Variants in MECOM observed in about 807,000 individuals in gnomAD.
The protein encoded by MECOM is MDS1 and EVI1 complex locus.
Under a neutral mutation model 116.3 loss-of-function variants are expected in MECOM, and 13 were observed. The ratio of observed to expected loss-of-function variants is 0.11; its 90% CI spans 0.07 to 0.18. The LOEUF is 0.18. MECOM is among the 10% of genes least tolerant of loss of function. The pLI, the probability that MECOM is intolerant of heterozygous loss-of-function variation, is 1.00. For synonymous variants in MECOM, 528 were observed against 535.2 expected (o/e 0.99, Z 0.19); for missense variants, 1,299 against 1,509.0 (o/e 0.86, Z 2.31).
At chr3:169,179,754 T>A (rs540422842) in intron 2 of MECOM, among the ~76,000 whole-genome samples, 13 of 152,324 alleles carry the variant, frequency 8.5e-5, no homozygotes, top group African/African-American at 2.9e-4. Flanking sequence ...ACCTTGCTTC[T>A]TTTTTCCTCA....
intron 2 of MECOM, among the ~76,000 whole-genome samples, chr3:169,275,801 C>A (rs1759506941): frequency 6.6e-6 from 1 of 152,116 alleles, no homozygotes; most frequent in Admixed American, 6.5e-5. Context: ...CTGATTCTAA[C>A]AAGTAAAGTT....
intron 12 of MECOM, among the ~76,000 whole-genome samples, chr3:169,099,610 TA>T (rs11296937): frequency 0.63 from 95,918 of 151,946 alleles, 30,453 homozygotes; most frequent in Admixed American, 0.68. Context: ...ATTTTACCAT[TA>T]AAAAAATATT....
intron 1 of MECOM, among the ~76,000 whole-genome samples, chr3:169,487,491 C>T (rs917435003): frequency 6.6e-6 from 1 of 151,636 alleles, no homozygotes; most frequent in African/African-American, 2.4e-5. Flanking sequence ...CATTAAATAT[C>T]TATTTGTGCT....
intron 2 of MECOM, among the ~76,000 whole-genome samples, chr3:169,193,843 G>A (rs1203025427): frequency 6.6e-6 from 1 of 151,922 alleles, no homozygotes; most frequent in Admixed American, 6.6e-5. Context: ...ATAGTTAAGT[G>A]TTACATGTTT....
chr3:169,643,649 C>T (rs898248940), intron 1 of MECOM, among the ~76,000 whole-genome samples: 1 of 152,190 alleles, frequency 6.6e-6, no homozygotes, highest in Non-Finnish European at 1.5e-5. Flanking sequence ...CAAAATCATT[C>T]ACCAAGTGGA....
intron 1 of MECOM, among the ~76,000 whole-genome samples, chr3:169,439,032 C>T (rs149921457): frequency 0.01 from 1,551 of 150,290 alleles, 32 homozygotes; most frequent in African/African-American, 0.036. Context: ...TTAGAGATAG[C>T]ATAAGGAAAG....
At chr3:169,513,280 C>G (rs1247896586) in intron 1 of MECOM, among the ~76,000 whole-genome samples, 1 of 152,228 alleles carries the variant, frequency 6.6e-6, no homozygotes, top group Non-Finnish European at 1.5e-5. Flanking sequence ...CAACCACATG[C>G]ACACAGTGAA....
chr3:169,584,489 C>T (rs1765538273), intron 1 of MECOM, among the ~76,000 whole-genome samples: 1 of 150,444 alleles, frequency 6.6e-6, no homozygotes, highest in Non-Finnish European at 1.5e-5. Flanking sequence ...GGCGTGAACC[C>T]AAGAGGTGGA....
rs780369859 is a variant in MECOM at position 169,084,107 on chromosome 3, A to C, written c.*802T>G. ...TTTAATCAACAAACAATAGTTTGCCAACAAATAAATACATGATACACGCAA... is the reference window on the plus strand; with the variant it reads ...TTTAATCAACAAACAATAGTTTGCCCACAAATAAATACATGATACACGCAA... On this transcript the variant is annotated 3_prime_UTR_variant, in exon 17 of 17. Transcript: ENST00000651503. 8.6e-6 allele frequency: 2 copies of C among 231,750 alleles called. No homozygotes were observed. The highest frequency in any genetic ancestry group is 4.4e-5 in the African/African-American group (2 of 45,264). 14.4% of individuals were successfully genotyped at this position (231,750 alleles called of 1,614,324 possible). A position where few individuals can be genotyped will look rare whatever the true frequency, so the allele number is the denominator to read the frequency against.
intron 1 of MECOM, among the ~76,000 whole-genome samples, chr3:169,559,273 C>G (rs1427598574): frequency 2.0e-5 from 3 of 152,130 alleles, no homozygotes; most frequent in African/African-American, 7.2e-5. Context: ...GCTCTATATT[C>G]TTGACTGGGT....
intron 2 of MECOM, among the ~76,000 whole-genome samples, chr3:169,317,350 C>G (rs1401443752): frequency 6.6e-6 from 1 of 151,898 alleles, no homozygotes. Context: ...ATATGACAAT[C>G]ATTATATGAT....
chr3:169,231,988 C>T (rs980225407), intron 2 of MECOM, among the ~76,000 whole-genome samples: 7 of 152,112 alleles, frequency 4.6e-5, no homozygotes, highest in Admixed American at 1.3e-4. Context: ...GATGATGTCA[C>T]TTTAAGCCAT....
intron 1 of MECOM, among the ~76,000 whole-genome samples, chr3:169,518,344 G>A (rs138507146): frequency 1.5e-3 from 221 of 152,202 alleles, no homozygotes; most frequent in African/African-American, 5.1e-3. Context: ...TAGATTCCTG[G>A]GGGAAGGGGA....
chr3:169,506,051 G>C (rs746793234), intron 1 of MECOM, among the ~76,000 whole-genome samples: 21 of 152,176 alleles, frequency 1.4e-4, no homozygotes, highest in Non-Finnish European at 1.5e-5. Context: ...GGAATGAAAG[G>C]CAAAATGTTG....
chr3:169,404,415 T>A (rs551624330), intron 1 of MECOM, among the ~76,000 whole-genome samples: 14 of 152,040 alleles, frequency 9.2e-5, no homozygotes, highest in East Asian at 3.9e-4. Context: ...TAAAAAAAAA[T>A]TTTTAAGGCT....
chr3:169,637,894 A>T (rs1303014837), intron 1 of MECOM, among the ~76,000 whole-genome samples: 1 of 152,236 alleles, frequency 6.6e-6, no homozygotes, highest in African/African-American at 2.4e-5. Flanking sequence ...GTCAAAGGAG[A>T]CATAACCTTT....
chr3:169,423,613 T>TA lies in MECOM; in HGVS notation c.38-42090dup, dbSNP rs796640655. 2.7e-4 allele frequency among the ~76,000 whole-genome samples: 41 copies of TA among 152,232 alleles called. 4 individuals are homozygous for TA. The highest frequency in any genetic ancestry group is 9.4e-4 in the African/African-American group (39 of 41,552). ...TCACTGGATGGGAATCCTTGGTAGA[T>TA]ATCTTTGAAATTAGTGAGAATTTTT... On this transcript the variant is annotated intron_variant, in intron 1 of 16. Coordinates refer to ENST00000651503, the MANE Select transcript of MECOM (RefSeq NM_004991.4).
At chr3:169,518,770 T>C (rs1757008525) in intron 1 of MECOM, among the ~76,000 whole-genome samples, 1 of 152,198 alleles carries the variant, frequency 6.6e-6, no homozygotes, top group Non-Finnish European at 1.5e-5. Flanking sequence ...GATTGAATTA[T>C]GGAGACAGGT....
intron 2 of MECOM, chr3:169,147,768 G>C (rs1740367179): frequency 1.0e-6 from 1 of 972,992 alleles, no homozygotes; most frequent in Non-Finnish European, 1.2e-6. Flanking sequence ...GTGTGTGTGA[G>C]AGAGAGAGAG....
Sources: allele counts gnomAD v4.1 joint callset (sites outside exome capture counted in the v4.1 genomes callset), GRCh38; gene constraint gnomAD v4.1.1; transcripts MANE v1.5; gene names NCBI Gene and HGNC (gene_info 2026-07-23, HGNC 2026-07-21).